The following PAPSS2 variants were observed in gnomAD, a reference collection of about 807,000 sequenced individuals.
PAPSS2 encodes the protein bifunctional 3'-phosphoadenosine 5'-phosphosulfate synthase 2.
A neutral mutation model predicts 66.5 loss-of-function variants in PAPSS2; 61 were observed. That is an observed-to-expected ratio of 0.92 (90% CI 0.75 to 1.14). The LOEUF is 1.14. PAPSS2 is among the 50% of genes most tolerant of loss of function. The pLI is 0.00. For synonymous variants in PAPSS2, 289 were observed against 287.5 expected (o/e 1.01, Z -0.05); for missense variants, 708 against 789.6 (o/e 0.90, Z 1.24).
rs1853863047 is a variant in PAPSS2 at position 87,741,114 on chromosome 10, T to C, written c.1087-121T>C. The C allele has an allele frequency of 3.0e-6, 3 of 1,001,332 alleles. No homozygotes were observed. The South Asian group carries it at 4.0e-5, about 13-fold the overall frequency. 62.0% of individuals were successfully genotyped at this position (1,001,332 alleles called of 1,614,324 possible). On this transcript the variant is annotated intron_variant, in intron 9 of 12. Transcript: ENST00000456849. ...AGTTTGAGAAATACTGTGCCAGAAA[T>C]ACTAAAGAACTGAAGGCAGTTCTTT...
intron 11 of PAPSS2, 92 bp from the exon 12 acceptor site, chr10:87,744,910 T>C: frequency 9.3e-7 from 1 of 1,071,554 alleles, no homozygotes; most frequent in South Asian, 1.3e-5. Context: ...ATTGCTGAAT[T>C]ACTTTTAAAG....
intron 1 of PAPSS2, among the ~76,000 whole-genome samples, chr10:87,679,358 C>G (rs1247288689): frequency 1.3e-5 from 2 of 152,128 alleles, no homozygotes; most frequent in African/African-American, 2.4e-5. Flanking sequence ...TAAGTTCTAT[C>G]GTTCTACAGC....
chr10:87,701,410 C>CTT, intron 1 of PAPSS2, among the ~76,000 whole-genome samples: 2 of 104,414 alleles, frequency 1.9e-5, no homozygotes, highest in African/African-American at 4.8e-5. Flanking sequence ...TTCTTTCTCT[C>CTT]TCTCTCTCTC....
chr10:87,684,721 T>C (rs2131907501), intron 1 of PAPSS2, among the ~76,000 whole-genome samples: 1 of 152,302 alleles, frequency 6.6e-6, no homozygotes, highest in Admixed American at 6.5e-5. Flanking sequence ...TCAATATTTA[T>C]AGCAACTGTG....
chr10:87,684,982 T>C (rs527959133), intron 1 of PAPSS2, among the ~76,000 whole-genome samples: 8 of 152,070 alleles, frequency 5.3e-5, no homozygotes, highest in Non-Finnish European at 1.2e-4. Flanking sequence ...GAAGGAAAAA[T>C]CCAGGTCACC....
intron 9 of PAPSS2, among the ~76,000 whole-genome samples, chr10:87,735,135 C>T (rs117613062): frequency 0.01 from 1,524 of 152,220 alleles, 14 homozygotes; most frequent in Middle Eastern, 0.048. Context: ...GCTGTGGCCC[C>T]CCTGCTGTCT....
rs2131733708 is a variant in PAPSS2 at position 87,746,949 on chromosome 10, G to C, written c.*979G>C. The stretch of plus-strand genomic sequence containing the variant: ...CATGTATGTGTTTTGTAAGCTGTGA[G>C]CACCGTAACAAAATGTAAATTTGCC... On this transcript the variant is annotated 3_prime_UTR_variant, in exon 13 of 13. Coordinates refer to ENST00000456849, the MANE Select transcript of PAPSS2 (RefSeq NM_001015880.2). The C allele has an allele frequency of 6.6e-6, 1 of 152,294 alleles. No individual in the cohort carries two copies. The highest frequency in any genetic ancestry group is 6.5e-5 in the Admixed American group (1 of 15,296). The allele number at this position is 152,294 out of a possible 1,614,324, so 9.4% of individuals were successfully genotyped here.
chr10:87,738,048 G>A (rs915739109), intron 9 of PAPSS2, among the ~76,000 whole-genome samples: 2 of 152,144 alleles, frequency 1.3e-5, no homozygotes, highest in Non-Finnish European at 2.9e-5. Context: ...CATGTGACAG[G>A]ATTTCCTTCC....
chr10:87,664,963 G>T (rs1296519882), intron 1 of PAPSS2, among the ~76,000 whole-genome samples: 1 of 152,118 alleles, frequency 6.6e-6, no homozygotes, highest in Non-Finnish European at 1.5e-5. Flanking sequence ...TGAGTAAATG[G>T]CTAGAGAATT....
At position 87,746,130 on chromosome 10, in the gene PAPSS2, C is replaced by T. The variant is rs967682995; in HGVS notation, c.*160C>T. The T allele has an allele frequency of 9.4e-5, 51 of 542,680 alleles. No individual in the cohort carries two copies. The highest frequency in any genetic ancestry group is 1.4e-4 in the East Asian group (4 of 27,758). The allele number at this position is 542,680 out of a possible 1,614,324, so 33.6% of individuals were successfully genotyped here. A position where few individuals can be genotyped will look rare whatever the true frequency, so the allele number is the denominator to read the frequency against. On this transcript the variant is annotated 3_prime_UTR_variant, in exon 13 of 13. Transcript: ENST00000456849. ...AATTAAAAAAAAATATATATATATA[C>T]ACACACACATATACATACAAAGTCA...
intron 10 of PAPSS2, 92 bp from the exon 11 acceptor site, chr10:87,743,281 G>T: frequency 6.9e-5 from 85 of 1,226,686 alleles, no homozygotes; most frequent in Non-Finnish European, 9.7e-5. Flanking sequence ...TGAATGCACA[G>T]AACAATAAAC....
chr10:87,676,188 G>A (rs1171566919), intron 1 of PAPSS2, among the ~76,000 whole-genome samples: 1 of 152,010 alleles, frequency 6.6e-6, no homozygotes, highest in Non-Finnish European at 1.5e-5. Context: ...TTAGTGAGCT[G>A]TTCTTGACGG....
In PAPSS2 at chr10:87,698,635, G is replaced by C. The variant is rs142136670; in HGVS notation, c.28-10561G>C. On this transcript the variant is annotated intron_variant, in intron 1 of 12. Transcript: ENST00000456849. ...ATTGTGAAACTGTGTTCCTGGGATT[G>C]GATTTAGCATGATCTATTGTTGGCT... Among the ~76,000 whole-genome samples the C allele has an allele frequency of 2.8e-3, 433 of 152,244 alleles. 1 individual carries two copies. Among genetic ancestry groups the C allele is most frequent in the South Asian group, 4.4e-3 (21 of 4,810 alleles).
chr10:87,682,261 G>T (rs148674265), intron 1 of PAPSS2, among the ~76,000 whole-genome samples: 21 of 152,298 alleles, frequency 1.4e-4, no homozygotes, highest in African/African-American at 4.8e-4. Context: ...AGCAGCAAAG[G>T]TCTACAGAGG....
intron 8 of PAPSS2, among the ~76,000 whole-genome samples, chr10:87,726,724 T>G (rs1853663896): frequency 6.6e-6 from 1 of 152,190 alleles, no homozygotes; most frequent in African/African-American, 2.4e-5. Context: ...ATAAGTAACT[T>G]ATTATACAAA....
intron 1 of PAPSS2, among the ~76,000 whole-genome samples, chr10:87,699,161 CAA>C (rs1337959725): frequency 1.3e-5 from 2 of 152,186 alleles, no homozygotes; most frequent in African/African-American, 4.8e-5. Context: ...AGTGCCAACA[CAA>C]ATTACCACAT....
chr10:87,712,828 G>A lies in PAPSS2; in HGVS notation c.146-247G>A, dbSNP rs149438822. ...CAGAACACATCGAGGACCACATGTAGCCCCCAAATCTCCCTATTTATGAAG... is the reference window on the plus strand; with the variant it reads ...CAGAACACATCGAGGACCACATGTAACCCCCAAATCTCCCTATTTATGAAG... On this transcript the variant is annotated intron_variant, in intron 2 of 12. Transcript: ENST00000456849. Among the ~76,000 whole-genome samples the A allele has an allele frequency of 1.1e-4, 17 of 152,144 alleles. No individual in the cohort carries two copies. In the East Asian group the frequency reaches 3.1e-3, roughly 28 times the overall value.
At chr10:87,724,165 G>A (rs1853629305) in intron 8 of PAPSS2, among the ~76,000 whole-genome samples, 1 of 151,464 alleles carries the variant, frequency 6.6e-6, no homozygotes, top group Non-Finnish European at 1.5e-5. Context: ...GAAATGAGAT[G>A]TTTTTAGAAA....
chr10:87,726,233 C>A (rs1853658011), intron 8 of PAPSS2, among the ~76,000 whole-genome samples: 1 of 152,084 alleles, frequency 6.6e-6, no homozygotes, highest in Non-Finnish European at 1.5e-5. Context: ...AGATCGAGAC[C>A]ATCCTGGCCA....
Sources: gnomAD v4.1 joint callset for allele counts (sites outside exome capture counted in the v4.1 genomes callset) on GRCh38, gnomAD v4.1.1 for gene constraint, MANE v1.5 for transcripts, NCBI Gene and HGNC (gene_info 2026-07-23, HGNC 2026-07-21) for gene names.